The following FAT3 variants were observed in gnomAD, a reference collection of about 807,000 sequenced individuals.
FAT3 encodes the protein protocadherin Fat 3.
FAT3 carries 95 observed loss-of-function variants against 310.2 expected under a neutral mutation model. The ratio of observed to expected loss-of-function variants is 0.31; its 90% CI spans 0.26 to 0.36. The LOEUF is 0.36. Ranked by LOEUF, FAT3 falls within the 10% of genes least tolerant of loss-of-function variation. FAT3 has a pLI of 1.00. For synonymous variants in FAT3, 2,314 were observed against 2,192.9 expected, an observed-to-expected ratio of 1.06 and a Z score of -1.54; for missense variants, 5,408 against 5,715.6, an observed-to-expected ratio of 0.95 and a Z score of 1.74.
intron 1 of FAT3, among the ~76,000 whole-genome samples, chr11:92,264,138 A>G (rs1212345371): frequency 6.6e-6 from 1 of 152,074 alleles, no homozygotes; most frequent in Non-Finnish European, 1.5e-5. Context: ...TCAAGGTCTC[A>G]TTTTGTTGAC....
chr11:92,269,656 C>G (rs929458566), intron 1 of FAT3, among the ~76,000 whole-genome samples: 6 of 152,236 alleles, frequency 3.9e-5, no homozygotes, highest in African/African-American at 1.4e-4. Flanking sequence ...TCTAGAGTGC[C>G]AAGCTTTCCT....
rs746171458 is a variant in FAT3, at chr11:92,883,258, C to T, written c.12802C>T (p.Pro4268Ser). 3 of 1,612,744 alleles carry T rather than the reference C, an allele frequency of 1.9e-6. No individual in the cohort carries two copies. In the African/African-American group the frequency reaches 4.0e-5, roughly 22 times the overall value. The stretch of plus-strand genomic sequence containing the variant: ...GCACCAGGAAATGACCACGTTTCAC[C>T]CTGAGTCGCCCCGCATCCTGACAGC... ...GEHQEMTTFH[P>S]ESPRILTARR... The change falls in exon 24 of 28, where the codon CCT (proline) becomes TCT (serine). Residue 4268 changes from proline to serine, a missense_variant. Coordinates refer to ENST00000525166, the MANE Select transcript of FAT3 (RefSeq NM_001367949.2). The surrounding 1 kb of genome is among the most constrained non-coding windows in gnomAD (Gnocchi z 4.2).
chr11:92,716,393 C>T (rs575042486), intron 4 of FAT3, among the ~76,000 whole-genome samples: 8 of 151,936 alleles, frequency 5.3e-5, no homozygotes, highest in South Asian at 4.2e-4. Context: ...CTTTCTCATT[C>T]GCCATCAGTA....
chr11:92,618,457 G>C (rs532741285), intron 3 of FAT3, among the ~76,000 whole-genome samples: 1 of 152,034 alleles, frequency 6.6e-6, no homozygotes, highest in Non-Finnish European at 1.5e-5. Flanking sequence ...GCCCTGCTTC[G>C]GCTCACACTC....
chr11:92,459,741 C>T (rs755500904), intron 2 of FAT3, among the ~76,000 whole-genome samples: 1 of 152,106 alleles, frequency 6.6e-6, no homozygotes, highest in Admixed American at 6.6e-5. Flanking sequence ...ATTGAGGGAA[C>T]AGCCAACTGT....
chr11:92,699,848 G>A (rs1203427951), intron 4 of FAT3, among the ~76,000 whole-genome samples: 1 of 152,158 alleles, frequency 6.6e-6, no homozygotes, highest in Non-Finnish European at 1.5e-5. Flanking sequence ...GGTTATCATT[G>A]TTGATTGTTG....
At chr11:92,528,891 G>A (rs551097127) in intron 3 of FAT3, among the ~76,000 whole-genome samples, 2 of 152,192 alleles carry the variant, frequency 1.3e-5, no homozygotes, top group Non-Finnish European at 1.5e-5. Flanking sequence ...TCATCATCCC[G>A]TATTTCCCCC....
At chr11:92,832,987 C>T (rs945670316) in intron 14 of FAT3, among the ~76,000 whole-genome samples, 13 of 152,160 alleles carry the variant, frequency 8.5e-5, no homozygotes, top group African/African-American at 3.1e-4. Flanking sequence ...GAACATGTAG[C>T]ATCACCTAGG....
chr11:92,789,248 A>G (rs1420646703), intron 7 of FAT3, among the ~76,000 whole-genome samples: 1 of 152,186 alleles, frequency 6.6e-6, no homozygotes, highest in Non-Finnish European at 1.5e-5. Context: ...GATGAGTGGG[A>G]GTTTGATGAA....
chr11:92,876,371 TTA>T (rs1473636773), intron 22 of FAT3, among the ~76,000 whole-genome samples: 3 of 152,214 alleles, frequency 2.0e-5, no homozygotes, highest in African/African-American at 7.2e-5. Flanking sequence ...TTCAACTCTA[TTA>T]AAGTGAGCAA....
chr11:92,263,496 TCTTC>T (rs1865641324), intron 1 of FAT3, among the ~76,000 whole-genome samples: 1 of 152,074 alleles, frequency 6.6e-6, no homozygotes, highest in South Asian at 2.1e-4. Flanking sequence ...GAAAAACTTT[TCTTC>T]CTTCCTCTGA....
intron 3 of FAT3, among the ~76,000 whole-genome samples, chr11:92,595,758 T>C (rs1050940355): frequency 1.3e-5 from 2 of 152,208 alleles, no homozygotes; most frequent in South Asian, 4.1e-4. Context: ...AAATATGACC[T>C]CATTTATATG....
Position 92,798,165 on chromosome 11 carries a change from C to T in FAT3, c.5152C>T (p.Pro1718Ser). 1.2e-6 allele frequency: 2 copies of T among 1,613,904 alleles called. No individual in the cohort carries two copies. Among genetic ancestry groups the T allele is most frequent in the Non-Finnish European group, 1.7e-6 (2 of 1,179,848 alleles). ...GDINGIFTIN[P>S]YSGVITTQKA... ...CATTAATGGGATCTTTACCATAAAT[C>T]CATATTCTGGAGTCATCACCACTCA... The change falls in exon 10 of 28, where the codon CCA becomes TCA. Residue 1718 changes from proline to serine, a missense_variant. This residue lies in a region of FAT3 where 4,588 missense variants were observed against 4,809.8 expected (regional missense o/e 0.95). Transcript: ENST00000525166.
At chr11:92,567,476 G>A (rs1229035579) in intron 3 of FAT3, among the ~76,000 whole-genome samples, 1 of 149,606 alleles carries the variant, frequency 6.7e-6, no homozygotes, top group Non-Finnish European at 1.5e-5. Flanking sequence ...AAGTCAGTGT[G>A]GCGATTCCTC....
At chr11:92,397,923 A>G (rs1949914073) in intron 2 of FAT3, among the ~76,000 whole-genome samples, 1 of 152,152 alleles carries the variant, frequency 6.6e-6, no homozygotes, top group African/African-American at 2.4e-5. Context: ...ACACAAATAC[A>G]CACATACATA....
intron 1 of FAT3, among the ~76,000 whole-genome samples, chr11:92,301,449 CG>C (rs1178015790): frequency 6.6e-6 from 1 of 152,060 alleles, no homozygotes; most frequent in Admixed American, 6.6e-5. Context: ...CTGCCCCTTC[CG>C]TTAGGAGGGA....
chr11:92,315,479 G>GTGTA (rs1555009286), intron 1 of FAT3, among the ~76,000 whole-genome samples: 45 of 65,180 alleles, frequency 6.9e-4, no homozygotes, highest in South Asian at 1.7e-3. Context: ...GTGTGTGTGT[G>GTGTA]TATATATATA....
intron 3 of FAT3, among the ~76,000 whole-genome samples, chr11:92,692,429 G>T (rs926896979): frequency 3.9e-5 from 6 of 152,158 alleles, no homozygotes; most frequent in Non-Finnish European, 7.3e-5. Flanking sequence ...AAGACTGACT[G>T]TTTGGAAAAT....
intron 2 of FAT3, among the ~76,000 whole-genome samples, chr11:92,398,255 C>T (rs1419606778): frequency 2.6e-5 from 4 of 152,036 alleles, no homozygotes; most frequent in Admixed American, 2.0e-4. Context: ...AATCCAAGCA[C>T]TTTGGGAGGC....
Sources: gnomAD v4.1 joint callset for allele counts (sites outside exome capture counted in the v4.1 genomes callset) on GRCh38, gnomAD v4.1.1 for gene constraint, gnomAD v4.1.1 regional missense constraint, Gnocchi (gnomAD v3.1) non-coding constraint, MANE v1.5 for transcripts, NCBI Gene and HGNC (gene_info 2026-07-23, HGNC 2026-07-21) for gene names.